The following ENOX2 variants were observed in gnomAD, a reference collection of about 807,000 sequenced individuals.
ENOX2 encodes APK1 antigen.
Under a neutral mutation model 45.0 loss-of-function variants are expected in ENOX2, and 36 were observed. The observed-to-expected ratio is 0.80, with a 90% CI of 0.61 to 1.06. The LOEUF (loss-of-function observed/expected upper bound fraction) is 1.06, where lower values mean the gene tolerates loss of function less well. Ranked by LOEUF, ENOX2 falls within the 50% of genes least tolerant of loss-of-function variation. The pLI, the probability that ENOX2 is intolerant of heterozygous loss-of-function variation, is 0.00. For synonymous variants in ENOX2, 174 were observed against 152.3 expected (o/e 1.14, Z -1.05); for missense variants, 423 against 462.5 (o/e 0.91, Z 0.78).
At chrX:130,682,022 C>G (rs527572941) in intron 5 of ENOX2, among the ~76,000 whole-genome samples, 4 of 107,585 alleles carry the variant, frequency 3.7e-5, no homozygotes, top group South Asian at 4.4e-4. Flanking sequence ...ACAACCCCCC[C>G]CCCCACCGAC....
chrX:130,854,356 T>A (rs1039640530), intron 2 of ENOX2, among the ~76,000 whole-genome samples: 9 of 111,351 alleles, frequency 8.1e-5, no homozygotes, highest in African/African-American at 2.9e-4. Flanking sequence ...TTACCTAATA[T>A]GAACAATAAA....
chrX:130,841,354 G>A (rs1412341037), intron 2 of ENOX2, among the ~76,000 whole-genome samples: 1 of 111,966 alleles, frequency 8.9e-6, no homozygotes, highest in Non-Finnish European at 1.9e-5. Context: ...CAGTGGAGGA[G>A]GGGGAAACCT....
rs1371102522 is a variant in ENOX2, at chrX:130,670,138, T to A, written c.521A>T (p.Asp174Val). The stretch of plus-strand genomic sequence containing the variant: ...CAGGTCATCTCGAGCCTGTGCGAAA[T>A]CAACGTGGAGTCTGCCTGTGTCCTT... Reference protein sequence around the residue: ...DKKDTGRLHVDFAQARDDLYE... With the variant: ...DKKDTGRLHVVFAQARDDLYE... The change falls in exon 7 of 15, where the codon GAT becomes GTT. Residue 174 changes from aspartate (D) to valine (V), a missense_variant. Coordinates refer to ENST00000394363, the MANE Select transcript of ENOX2 (RefSeq NM_006375.4). 8.3e-7 allele frequency: 1 copy of A among 1,211,155 alleles called. No individual in the cohort carries two copies. The highest frequency in any genetic ancestry group is 1.1e-6 in the Non-Finnish European group (1 of 895,288).
At chrX:130,880,989 C>T (rs2078797855) in intron 2 of ENOX2, among the ~76,000 whole-genome samples, 1 of 112,501 alleles carries the variant, frequency 8.9e-6, no homozygotes, top group South Asian at 3.7e-4. Context: ...CCTGTTGATA[C>T]AATTATCACT....
chrX:130,752,142 TTTC>T (rs920674337), intron 3 of ENOX2, among the ~76,000 whole-genome samples: 16 of 111,089 alleles, frequency 1.4e-4, no homozygotes, highest in Admixed American at 1.1e-3. Context: ...CTGTTCCTTC[TTTC>T]TTCATCTCCC....
intron 3 of ENOX2, among the ~76,000 whole-genome samples, chrX:130,773,118 C>T (rs754187953): frequency 2.9e-4 from 33 of 112,466 alleles, no homozygotes; most frequent in Admixed American, 7.5e-4. Context: ...AAGCCTACCA[C>T]TATGCCTCAC....
chrX:130,745,172 A>AAG (rs1218295732), intron 3 of ENOX2, among the ~76,000 whole-genome samples: 4 of 111,808 alleles, frequency 3.6e-5, no homozygotes, highest in Non-Finnish European at 3.8e-5. Context: ...GTTTGGTATG[A>AAG]AGATATTATT....
intron 4 of ENOX2, among the ~76,000 whole-genome samples, chrX:130,702,631 G>A (rs1337931582): frequency 9.0e-6 from 1 of 111,204 alleles, no homozygotes; most frequent in Non-Finnish European, 1.9e-5. Flanking sequence ...ATTCTATTAT[G>A]GGTTACTTTG....
At chrX:130,806,489 A>G (rs1037663020) in intron 2 of ENOX2, among the ~76,000 whole-genome samples, 7 of 112,546 alleles carry the variant, frequency 6.2e-5, no homozygotes, top group Non-Finnish European at 1.1e-4. Flanking sequence ...ACAATGCATC[A>G]TAAGAATTTA....
At chrX:130,738,215 G>C (rs1287778886) in intron 3 of ENOX2, among the ~76,000 whole-genome samples, 2 of 112,112 alleles carry the variant, frequency 1.8e-5, no homozygotes, top group Admixed American at 1.9e-4. Context: ...CTGCGGAGGT[G>C]GCAGAAATTT....
intron 2 of ENOX2, among the ~76,000 whole-genome samples, chrX:130,809,732 C>T (rs918988986): frequency 9.0e-5 from 10 of 110,743 alleles, no homozygotes; most frequent in African/African-American, 3.3e-4. Context: ...AAGAAAGTTA[C>T]AAAATGTGTG....
intron 2 of ENOX2, among the ~76,000 whole-genome samples, chrX:130,891,708 C>T (rs1463291982): frequency 9.2e-6 from 1 of 108,679 alleles, no homozygotes; most frequent in Non-Finnish European, 1.9e-5. Flanking sequence ...TACTGGGATT[C>T]GAACTCAGGC....
At chrX:130,651,149 A>C (rs1190070110) in intron 10 of ENOX2, among the ~76,000 whole-genome samples, 2 of 111,972 alleles carry the variant, frequency 1.8e-5, no homozygotes, top group Non-Finnish European at 3.8e-5. Context: ...GGGTGGCTGC[A>C]GGTCAGCTCA....
chrX:130,639,047 C>G (rs2036012653), intron 10 of ENOX2, among the ~76,000 whole-genome samples: 1 of 111,870 alleles, frequency 8.9e-6, no homozygotes, highest in African/African-American at 3.3e-5. Flanking sequence ...GGAGAGCTCC[C>G]ACACATTTGT....
intron 2 of ENOX2, among the ~76,000 whole-genome samples, chrX:130,885,954 A>T (rs1439866021): frequency 8.9e-6 from 1 of 112,596 alleles, no homozygotes; most frequent in Non-Finnish European, 1.9e-5. Flanking sequence ...TCAAGCATGC[A>T]TTGGAATACA....
chrX:130,848,772 G>A (rs192733819), intron 2 of ENOX2, among the ~76,000 whole-genome samples: 1 of 111,144 alleles, frequency 9.0e-6, no homozygotes, highest in East Asian at 2.8e-4. Context: ...CTCCAGCCTG[G>A]GCGACAGAGT....
chrX:130,881,398 C>T lies in ENOX2; in HGVS notation c.-183+20286G>A, dbSNP rs150997925. Among the ~76,000 whole-genome samples, 829 of 112,264 alleles carry T rather than the reference C, an allele frequency of 7.4e-3. 6 individuals carry two copies. Among genetic ancestry groups the T allele is most frequent in the Admixed American group, 0.017 (182 of 10,649 alleles). On this transcript the variant is annotated intron_variant, in intron 2 of 14. Coordinates refer to ENST00000394363, the MANE Select transcript of ENOX2 (RefSeq NM_006375.4). Reference sequence around the variant, plus strand: ...TACAGATCAGAATTTAGCATTTTTGCCTTTGAACAGTGGTTCTCAAAAGTC... The same window carrying T: ...TACAGATCAGAATTTAGCATTTTTGTCTTTGAACAGTGGTTCTCAAAAGTC...
chrX:130,700,098 C>T lies in ENOX2; in HGVS notation c.97+3022G>A, dbSNP rs780954254. On this transcript the variant is annotated intron_variant, in intron 4 of 14. Coordinates refer to ENST00000394363, the MANE Select transcript of ENOX2 (RefSeq NM_006375.4). The stretch of plus-strand genomic sequence containing the variant: ...ATAGAGAAGTGAAGTAACTTGTCAA[C>T]GGTCACACAACTAGTTAATGACAGA... Among the ~76,000 whole-genome samples the T allele has an allele frequency of 6.2e-5, 7 of 112,036 alleles. No individual in the cohort carries two copies. The East Asian group carries it at 8.4e-4, about 13-fold the overall frequency.
At chrX:130,631,720 A>C in intron 12 of ENOX2, 144 bp from the exon 13 acceptor site, 1 of 374,500 alleles carries the variant, frequency 2.7e-6, no homozygotes, top group South Asian at 7.0e-5. Context: ...AGAAAATAGC[A>C]TAAATTACAA....
Sources: gnomAD v4.1 joint callset for allele counts (sites outside exome capture counted in the v4.1 genomes callset) on GRCh38, gnomAD v4.1.1 for gene constraint, MANE v1.5 for transcripts, NCBI Gene and HGNC (gene_info 2026-07-23, HGNC 2026-07-21) for gene names.